Variants in C10orf90 observed in about 807,000 individuals in gnomAD.
C10orf90 encodes (E2-independent) E3 ubiquitin-conjugating enzyme FATS.
C10orf90 carries 56 observed loss-of-function variants against 62.5 expected under a neutral mutation model. The ratio of observed to expected loss-of-function variants is 0.90; its 90% CI spans 0.72 to 1.12. The LOEUF (loss-of-function observed/expected upper bound fraction) is 1.12. Among genes scored for constraint, C10orf90 ranks in the 50% most tolerant of loss-of-function variants. C10orf90 has a pLI of 0.00. For missense variants in C10orf90, 970 were observed against 880.4 expected (o/e 1.10, Z -1.29); for synonymous variants, 386 against 340.4 (o/e 1.13, Z -1.47).
chr10:126,563,144 G>A (rs893925155), intron 2 of C10orf90, among the ~76,000 whole-genome samples: 2 of 152,216 alleles, frequency 1.3e-5, no homozygotes, highest in South Asian at 4.1e-4. Flanking sequence ...GCTGGTTGTT[G>A]TTTAAAGTGA....
chr10:126,469,983 G>A (rs1358654337), intron 4 of C10orf90: 3 of 456,652 alleles, frequency 6.6e-6, no homozygotes, highest in African/African-American at 4.0e-5. Context: ...GGCAGGGAAG[G>A]CATTCTTCTG....
chr10:126,528,154 T>C (rs1037256161), intron 2 of C10orf90, among the ~76,000 whole-genome samples: 4 of 152,066 alleles, frequency 2.6e-5, no homozygotes, highest in African/African-American at 9.7e-5. Context: ...GTCTCTGCTA[T>C]GTAGAGAGAG....
intron 2 of C10orf90, among the ~76,000 whole-genome samples, chr10:126,516,845 C>A (rs1863463225): frequency 1.3e-5 from 2 of 152,212 alleles, no homozygotes; most frequent in African/African-American, 4.8e-5. Flanking sequence ...GGGAAGAATT[C>A]TCTTCCTTGC....
At chr10:126,603,398 C>T (rs539983905) in intron 2 of C10orf90, among the ~76,000 whole-genome samples, 4 of 152,130 alleles carry the variant, frequency 2.6e-5, no homozygotes, top group African/African-American at 7.2e-5. Context: ...ATGGGGGTAA[C>T]CGCCCCCATG....
chr10:126,658,282 G>C (rs1449199736), intron 1 of C10orf90, among the ~76,000 whole-genome samples: 1 of 152,196 alleles, frequency 6.6e-6, no homozygotes, highest in African/African-American at 2.4e-5. Context: ...TGTATAGCCA[G>C]CCACTTATGC....
chr10:126,509,151 C>T lies in C10orf90; in HGVS notation c.406-4066G>A, dbSNP rs116209473. 6.9e-3 allele frequency among the ~76,000 whole-genome samples: 1,046 copies of T among 152,296 alleles called. 10 individuals carry two copies. Among genetic ancestry groups the T allele is most frequent in the African/African-American group, 0.023 (975 of 41,550 alleles). ...ACGTGACCGTGAGTTTTGACTCTAT[C>T]AGATGTGAACGGATGAGGGAAGAGC... On this transcript the variant is annotated intron_variant, in intron 3 of 9. Coordinates refer to ENST00000488181, the MANE Select transcript of C10orf90 (RefSeq NM_001350921.2).
chr10:126,662,947 C>T (rs1846547562), intron 1 of C10orf90, among the ~76,000 whole-genome samples: 1 of 152,208 alleles, frequency 6.6e-6, no homozygotes, highest in Non-Finnish European at 1.5e-5. Context: ...ATGGGTGCCT[C>T]CTTGATCAGA....
intron 4 of C10orf90, among the ~76,000 whole-genome samples, chr10:126,475,214 C>A (rs1026133244): frequency 6.6e-6 from 1 of 152,176 alleles, no homozygotes. Flanking sequence ...CAAAAGGCAG[C>A]AAGCCACAAA....
chr10:126,524,890 G>C lies in C10orf90; in HGVS notation c.314-10951C>G, dbSNP rs1173876794. 2.6e-5 allele frequency: 24 copies of C among 924,678 alleles called. No homozygotes were observed. In the Admixed American group the frequency reaches 1.4e-3, roughly 55 times the overall value. 57.3% of individuals were successfully genotyped at this position (924,678 alleles called of 1,614,324 possible). A position where few individuals can be genotyped will look rare whatever the true frequency, so the allele number is the denominator to read the frequency against. On this transcript the variant is annotated intron_variant, in intron 2 of 9. Transcript: ENST00000488181. Reference sequence around the variant, plus strand: ...AAAACGCCATTATTTCCATCACTATGTACTCCCTCCTTTGTCAAGCTCACT... The same window carrying C: ...AAAACGCCATTATTTCCATCACTATCTACTCCCTCCTTTGTCAAGCTCACT...
intron 4 of C10orf90, among the ~76,000 whole-genome samples, chr10:126,466,115 C>T (rs1303708523): frequency 1.3e-5 from 2 of 152,088 alleles, no homozygotes; most frequent in Non-Finnish European, 2.9e-5. Flanking sequence ...GGAGGGACTG[C>T]ACCATGTTTT....
At chr10:126,507,575 C>T (rs1027360349) in intron 3 of C10orf90, among the ~76,000 whole-genome samples, 4 of 151,554 alleles carry the variant, frequency 2.6e-5, no homozygotes, top group East Asian at 1.9e-4. Context: ...TTTAGCCCAG[C>T]GGCTACCTCA....
Position 126,425,996 on chromosome 10 carries a change from T to C in C10orf90, c.2347A>G (p.Lys783Glu). 6.2e-7 allele frequency: 1 copy of C among 1,614,200 alleles called. No individual in the cohort carries two copies. The highest frequency in any genetic ancestry group is 8.5e-7 in the Non-Finnish European group (1 of 1,180,006). ...GCTGGTGACGAGGCCATTACCTTTTTGAAGACTTCGGCACGGAGTCTGTTA... is the reference window on the plus strand; with the variant it reads ...GCTGGTGACGAGGCCATTACCTTTTCGAAGACTTCGGCACGGAGTCTGTTA... ...QSNRLRAEVFKKQLLDQLLQR... is the reference protein window; with the variant it reads ...QSNRLRAEVFEKQLLDQLLQR... Residue 783 changes from lysine (K) to glutamate (E), a missense_variant, in exon 9 of 10, where the codon AAA becomes GAA. Physicochemically the swap from Lys to Glu is moderately conservative, Grantham distance 56. Coordinates refer to ENST00000488181, the MANE Select transcript of C10orf90 (RefSeq NM_001350921.2).
At chr10:126,608,098 T>G (rs563705081) in intron 2 of C10orf90, among the ~76,000 whole-genome samples, 5 of 152,260 alleles carry the variant, frequency 3.3e-5, no homozygotes, top group African/African-American at 1.2e-4. Context: ...ATGAACTTAT[T>G]TATGTATTTA....
At chr10:126,590,351 C>T (rs933778141) in intron 2 of C10orf90, among the ~76,000 whole-genome samples, 2 of 152,128 alleles carry the variant, frequency 1.3e-5, no homozygotes, top group Non-Finnish European at 1.5e-5. Context: ...TAATAGATAC[C>T]TGCAGAATTA....
intron 4 of C10orf90, among the ~76,000 whole-genome samples, chr10:126,502,281 C>T (rs989651553): frequency 1.8e-4 from 28 of 152,318 alleles, no homozygotes; most frequent in African/African-American, 6.5e-4. Context: ...TCAAGACTCC[C>T]CTGGTGTCTG....
At chr10:126,505,655 A>G (rs1019122290) in intron 3 of C10orf90, among the ~76,000 whole-genome samples, 1 of 152,154 alleles carries the variant, frequency 6.6e-6, no homozygotes, top group East Asian at 1.9e-4. Flanking sequence ...AGAGCAAAAC[A>G]ATAGAAATCA....
intron 2 of C10orf90, among the ~76,000 whole-genome samples, chr10:126,540,659 C>T (rs966537094): frequency 1.0e-5 from 1 of 96,410 alleles, no homozygotes; most frequent in African/African-American, 4.4e-5. Context: ...AAAGTGAGAC[C>T]TTGTCTAAAA....
chr10:126,492,795 C>T (rs536967219), intron 4 of C10orf90, among the ~76,000 whole-genome samples: 2 of 152,206 alleles, frequency 1.3e-5, no homozygotes, highest in East Asian at 3.9e-4. Context: ...TTTAAGAAAG[C>T]TGATATGTAT....
At chr10:126,493,599 G>A (rs1055809847) in intron 4 of C10orf90, among the ~76,000 whole-genome samples, 75 of 146,978 alleles carry the variant, frequency 5.1e-4, no homozygotes, top group Admixed American at 2.1e-4. Context: ...GCAGGTGATC[G>A]CCCACCTCGG....
Sources: gnomAD v4.1 joint callset for allele counts (sites outside exome capture counted in the v4.1 genomes callset) on GRCh38, gnomAD v4.1.1 for gene constraint, MANE v1.5 for transcripts, NCBI Gene and HGNC (gene_info 2026-07-23, HGNC 2026-07-21) for gene names.